PDE3A: variants seen among roughly 807,000 people sequenced by gnomAD.
PDE3A encodes cGMP-inhibited 3',5'-cyclic phosphodiesterase 3A.
A neutral mutation model predicts 98.3 loss-of-function variants in PDE3A; 43 were observed. The ratio of observed to expected loss-of-function variants is 0.44; its 90% confidence interval spans 0.34 to 0.56. The LOEUF (loss-of-function observed/expected upper bound fraction) is 0.56, where lower values mean the gene tolerates loss of function less well. Among genes scored for constraint, PDE3A ranks in the 20% least tolerant of loss-of-function variants. PDE3A has a pLI of 0.01. For synonymous variants in PDE3A, 663 were observed against 567.9 expected, an observed-to-expected ratio of 1.17 and a Z score of -2.38; for missense variants, 1,427 against 1,440.7, an observed-to-expected ratio of 0.99 and a Z score of 0.15.
chr12:20,636,614 A>G (rs11615708), intron 8 of PDE3A, among the ~76,000 whole-genome samples: 6,379 of 152,176 alleles, frequency 0.042, 167 homozygotes, highest in Non-Finnish European at 0.06. Flanking sequence ...ATATAAACTT[A>G]ATTAATAATA....
chr12:20,485,797 C>A (rs1473199995), intron 1 of PDE3A, among the ~76,000 whole-genome samples: 2 of 151,780 alleles, frequency 1.3e-5, no homozygotes, highest in Non-Finnish European at 2.9e-5. Flanking sequence ...TGCATTTGTG[C>A]TCTTTTTTAA....
In PDE3A at chr12:20,553,073, A is replaced by G. The variant is rs1282835868; in HGVS notation, c.961-3587A>G. 1.8e-5 allele frequency: 18 copies of G among 1,007,096 alleles called. No individual in the cohort carries two copies. The African/African-American group carries it at 1.9e-4, about 11-fold the overall frequency. The allele number at this position is 1,007,096 out of a possible 1,614,324, so 62.4% of individuals were successfully genotyped here. The stretch of plus-strand genomic sequence containing the variant: ...CGTGTCGGAGGGCTCGTTCATCGGC[A>G]CTGATTTTGTTCTTAGTGGGCTTAA... On this transcript the variant is annotated intron_variant, in intron 1 of 15. Transcript: ENST00000359062.
Position 20,653,973 on chromosome 12 carries a change from A to C in PDE3A, c.2952A>C (p.Leu984Phe). 1 of 1,614,074 alleles carries C rather than the reference A, an allele frequency of 6.2e-7. No homozygotes were observed. The highest frequency in any genetic ancestry group is 8.5e-7 in the Non-Finnish European group (1 of 1,179,990). ...EQGDEEASLG[L>F]PISPFMDRSA... ...GTGATGAAGAGGCCAGCCTTGGATT[A>C]CCCATAAGCCCCTTCATGGATCGTT... Residue 984 changes from leucine to phenylalanine, a missense_variant, in exon 15 of 16, where the codon TTA (leucine) becomes TTC (phenylalanine). By Grantham distance (22) the Leu-to-Phe change is conservative. This residue lies in a region of PDE3A where 273 missense variants were observed against 420.3 expected (regional missense o/e 0.65). Coordinates refer to ENST00000359062, the MANE Select transcript of PDE3A (RefSeq NM_000921.5).
chr12:20,386,623 A>G (rs1943814478), intron 1 of PDE3A, among the ~76,000 whole-genome samples: 1 of 151,864 alleles, frequency 6.6e-6, no homozygotes, highest in Non-Finnish European at 1.5e-5. Flanking sequence ...TATAAGTGAG[A>G]GCCACTGCGC....
chr12:20,616,448 A>AAATT, intron 4 of PDE3A, 64 bp downstream of exon 4: 1 of 1,493,868 alleles, frequency 6.7e-7, no homozygotes, highest in Non-Finnish European at 9.2e-7. Context: ...AATGAGTTAT[A>AAATT]AATTACAGGA....
intron 2 of PDE3A, among the ~76,000 whole-genome samples, chr12:20,594,835 T>G (rs1051512289): frequency 6.6e-6 from 1 of 152,094 alleles, no homozygotes; most frequent in African/African-American, 2.4e-5. Context: ...TCATATTTTT[T>G]TATTGCCTTA....
chr12:20,655,246 A>G (rs1945016715), intron 15 of PDE3A, among the ~76,000 whole-genome samples: 2 of 152,208 alleles, frequency 1.3e-5, no homozygotes, highest in African/African-American at 4.8e-5. Context: ...GGAAAGATGT[A>G]AAGCAGGGAA....
intron 1 of PDE3A, among the ~76,000 whole-genome samples, chr12:20,481,952 G>C (rs12317618): frequency 6.6e-6 from 1 of 151,584 alleles, no homozygotes; most frequent in Admixed American, 6.6e-5. Context: ...TTTTTGTAGA[G>C]ACGGGATTTC....
intron 2 of PDE3A, among the ~76,000 whole-genome samples, chr12:20,574,970 C>T (rs1183125602): frequency 2.0e-5 from 3 of 151,902 alleles, no homozygotes; most frequent in African/African-American, 7.2e-5. Context: ...GAAACCAAGC[C>T]CCCAAATGGA....
chr12:20,559,815 C>T (rs1942468676), intron 2 of PDE3A, among the ~76,000 whole-genome samples: 1 of 152,038 alleles, frequency 6.6e-6, no homozygotes, highest in Non-Finnish European at 1.5e-5. Flanking sequence ...TTCGAAAGTA[C>T]AGAGGAAAAG....
chr12:20,557,811 C>A (rs1284358363), intron 2 of PDE3A, among the ~76,000 whole-genome samples: 2 of 152,004 alleles, frequency 1.3e-5, no homozygotes, highest in African/African-American at 4.8e-5. Context: ...AGAATTTATG[C>A]CTTACTTTAT....
intron 1 of PDE3A, among the ~76,000 whole-genome samples, chr12:20,393,263 G>A (rs1943951364): frequency 6.6e-6 from 1 of 151,872 alleles, no homozygotes; most frequent in African/African-American, 2.4e-5. Flanking sequence ...ATGGCAGAAG[G>A]CAAGGGGGAC....
At chr12:20,424,054 G>T (rs887200500) in intron 1 of PDE3A, among the ~76,000 whole-genome samples, 1 of 152,046 alleles carries the variant, frequency 6.6e-6, no homozygotes, top group African/African-American at 2.4e-5. Context: ...ACAAACCAGA[G>T]GTAGAAAGTA....
At chr12:20,624,845 G>C (rs1944222449) in intron 5 of PDE3A, among the ~76,000 whole-genome samples, 1 of 152,140 alleles carries the variant, frequency 6.6e-6, no homozygotes, top group Non-Finnish European at 1.5e-5. Flanking sequence ...AAGTGGTTGT[G>C]ACATGTTTGA....
intron 1 of PDE3A, among the ~76,000 whole-genome samples, chr12:20,411,181 C>T (rs1944326852): frequency 6.6e-6 from 1 of 152,116 alleles, no homozygotes; most frequent in Non-Finnish European, 1.5e-5. Context: ...TTTTTAAGTG[C>T]ACATTTTAAT....
intron 2 of PDE3A, among the ~76,000 whole-genome samples, chr12:20,603,792 A>ATGTT (rs1943650403): frequency 6.6e-6 from 1 of 152,130 alleles, no homozygotes; most frequent in African/African-American, 2.4e-5. Context: ...ACAAGTCTTT[A>ATGTT]TGTTTATGAT....
intron 1 of PDE3A, among the ~76,000 whole-genome samples, chr12:20,476,597 A>G (rs570454758): frequency 6.6e-6 from 1 of 152,246 alleles, no homozygotes; most frequent in Admixed American, 6.5e-5. Flanking sequence ...GGCATCATAC[A>G]CCCTGTAAAT....
At chr12:20,501,563 C>T (rs943626325) in intron 1 of PDE3A, among the ~76,000 whole-genome samples, 5 of 152,188 alleles carry the variant, frequency 3.3e-5, no homozygotes, top group Admixed American at 6.5e-5. Context: ...CTTCAATAGA[C>T]GTGATGTGAA....
intron 2 of PDE3A, among the ~76,000 whole-genome samples, chr12:20,578,747 C>T (rs552284756): frequency 3.3e-5 from 5 of 152,058 alleles, no homozygotes; most frequent in Non-Finnish European, 7.4e-5. Flanking sequence ...CCCCTGGTCC[C>T]ACTCTCCCTG....
Sources: allele counts gnomAD v4.1 joint callset (sites outside exome capture counted in the v4.1 genomes callset), GRCh38; gene constraint gnomAD v4.1.1; regional missense constraint gnomAD v4.1.1; transcripts MANE v1.5; gene names NCBI Gene and HGNC (gene_info 2026-07-23, HGNC 2026-07-21).